Variants in TMEM61 observed in about 807,000 individuals in gnomAD.
The protein encoded by TMEM61 is transmembrane protein 61.
TMEM61 carries 13 observed loss-of-function variants against 12.0 expected under a neutral mutation model. That is an observed-to-expected ratio of 1.08 (90% CI 0.70 to 1.72). The LOEUF is 1.72. Ranked by LOEUF, TMEM61 falls within the 40% of genes most tolerant of loss-of-function variation. The pLI is 0.00. For missense variants in TMEM61, 249 were observed against 276.9 expected, an observed-to-expected ratio of 0.90 and a Z score of 0.71; for synonymous variants, 109 against 121.4, an observed-to-expected ratio of 0.90 and a Z score of 0.67.
intron 1 of TMEM61, among the ~76,000 whole-genome samples, chr1:54,981,872 A>T (rs1271744275): frequency 6.6e-6 from 1 of 152,226 alleles, no homozygotes; most frequent in African/African-American, 2.4e-5. Context: ...GGGCAGGGAC[A>T]GGTGCTGAGC....
intron 1 of TMEM61, among the ~76,000 whole-genome samples, chr1:54,983,627 A>G (rs190226165): frequency 6.6e-6 from 1 of 152,264 alleles, no homozygotes; most frequent in East Asian, 1.9e-4. Flanking sequence ...CCTCATTTGT[A>G]AAATGGGACT....
rs35817239 is a variant in TMEM61 at position 54,985,219 on chromosome 1, A to ATGTG, written c.16-854_16-851dup. ...TAATAAGGCCACGGTGAACGTGTGT[A>ATGTG]TGTGTGTGTGTGTGTGTGTGTGTGT... On this transcript the variant is annotated intron_variant, in intron 1 of 2. Transcript: ENST00000371268. 2.7e-3 allele frequency among the ~76,000 whole-genome samples: 405 copies of ATGTG among 150,718 alleles called. 2 individuals carry two copies. Among genetic ancestry groups the ATGTG allele is most frequent in the African/African-American group, 9.4e-3 (385 of 41,112 alleles).
chr1:54,983,109 GTTT>G (rs780127208), intron 1 of TMEM61, among the ~76,000 whole-genome samples: 5 of 109,522 alleles, frequency 4.6e-5, no homozygotes, highest in African/African-American at 1.3e-4. Flanking sequence ...GTTTTGCTTT[GTTT>G]TTTTTTTTTG....
In TMEM61 at chr1:54,991,972, A is replaced by T. The variant is rs1310576279; in HGVS notation, c.502A>T (p.Thr168Ser). Residue 168 changes from threonine (T) to serine (S), a missense_variant, in exon 3 of 3, where the codon ACC becomes TCC. Transcript: ENST00000371268. ...TGGATCGAGGGATGCCCTGCTCAGC[A>T]CCCAGCCCGCCTGGCCTCCACCCAG... ...PSGSRDALLSTQPAWPPPSYE... is the reference protein window; with the variant it reads ...PSGSRDALLSSQPAWPPPSYE... 6.2e-7 allele frequency: 1 copy of T among 1,613,968 alleles called. No individual in the cohort carries two copies. Among genetic ancestry groups the T allele is most frequent in the East Asian group, 2.2e-5 (1 of 44,876 alleles).
In TMEM61 at chr1:54,986,415, A is replaced by G; in HGVS notation, c.334A>G (p.Thr112Ala). ...CCTCTCCAGAGACCTGTACTACCTC[A>G]CTGTGGAGTCCTCAGAGAAGGAGAG... ...YHLSRDLYYL[T>A]VESSEKESCR... Residue 112 changes from threonine to alanine, a missense_variant, in exon 2 of 3, where the codon ACT becomes GCT. Transcript: ENST00000371268. 1 of 1,586,966 alleles carries G rather than the reference A, an allele frequency of 6.3e-7. No homozygotes were observed. The highest frequency in any genetic ancestry group is 1.7e-5 in the Admixed American group (1 of 58,268).
intron 2 of TMEM61, among the ~76,000 whole-genome samples, chr1:54,991,373 C>T (rs975525414): frequency 1.3e-5 from 2 of 152,204 alleles, no homozygotes; most frequent in African/African-American, 2.4e-5. Context: ...TCTAAAGCAT[C>T]CAGATGGGCA....
intron 2 of TMEM61, among the ~76,000 whole-genome samples, chr1:54,989,103 C>A (rs1439920351): frequency 6.6e-6 from 1 of 152,146 alleles, no homozygotes; most frequent in Non-Finnish European, 1.5e-5. Context: ...GCCCTCATGC[C>A]CACTAGATTT....
chr1:54,982,214 T>C (rs1045962092), intron 1 of TMEM61, among the ~76,000 whole-genome samples: 17 of 152,134 alleles, frequency 1.1e-4, no homozygotes, highest in Admixed American at 1.0e-3. Flanking sequence ...ATGCATCTGA[T>C]TCCCGGAAAA....
intron 1 of TMEM61, among the ~76,000 whole-genome samples, chr1:54,985,362 G>A (rs547570681): frequency 2.0e-5 from 3 of 152,190 alleles, no homozygotes; most frequent in Admixed American, 2.0e-4. Flanking sequence ...TCAGCCTCCC[G>A]AGTAGCTGGG....
chr1:54,983,046 A>G, intron 1 of TMEM61, among the ~76,000 whole-genome samples: 1 of 151,316 alleles, frequency 6.6e-6, no homozygotes, highest in Non-Finnish European at 1.5e-5. Context: ...AACAGGAAAC[A>G]GCCACCTGGG....
rs534841111 is a variant in TMEM61, at chr1:54,980,929, C to T, written c.-137C>T. The T allele has an allele frequency of 3.1e-4, 287 of 925,420 alleles. No individual in the cohort carries two copies. In the African/African-American group the frequency reaches 4.5e-3, roughly 14 times the overall value. 57.3% of individuals were successfully genotyped at this position (925,420 alleles called of 1,614,324 possible). On this transcript the variant is annotated 5_prime_UTR_variant, in exon 1 of 3. Coordinates refer to ENST00000371268, the MANE Select transcript of TMEM61 (RefSeq NM_182532.3). Reference sequence around the variant, plus strand: ...CGGGGGCAGCGGCCAGGCCCCTCCGCCCCTAACACCCGCGCCTCCTGCAGA... The same window carrying T: ...CGGGGGCAGCGGCCAGGCCCCTCCGTCCCTAACACCCGCGCCTCCTGCAGA...
chr1:54,984,101 C>T (rs1231902367), intron 1 of TMEM61, among the ~76,000 whole-genome samples: 3 of 152,166 alleles, frequency 2.0e-5, no homozygotes, highest in Non-Finnish European at 4.4e-5. Context: ...TGGTAACATG[C>T]CCTTTTGAAA....
At chr1:54,984,547 C>A (rs13375174) in intron 1 of TMEM61, among the ~76,000 whole-genome samples, 6,593 of 152,270 alleles carry the variant, frequency 0.043, 456 homozygotes, top group African/African-American at 0.15. Flanking sequence ...GATTTTCACC[C>A]GACCAGCATT....
intron 2 of TMEM61, among the ~76,000 whole-genome samples, chr1:54,987,831 G>A (rs1644270596): frequency 6.6e-6 from 1 of 152,212 alleles, no homozygotes; most frequent in African/African-American, 2.4e-5. Flanking sequence ...CCAGACTGCC[G>A]TGAGCTGCTG....
At chr1:54,982,041 G>A (rs1246831458) in intron 1 of TMEM61, among the ~76,000 whole-genome samples, 1 of 152,176 alleles carries the variant, frequency 6.6e-6, no homozygotes, top group East Asian at 1.9e-4. Context: ...GTGCATCCTC[G>A]GTCCAGCCTT....
At chr1:54,987,824 G>C (rs1644270541) in intron 2 of TMEM61, among the ~76,000 whole-genome samples, 1 of 152,238 alleles carries the variant, frequency 6.6e-6, no homozygotes, top group Non-Finnish European at 1.5e-5. Flanking sequence ...GGCTAAGCCA[G>C]ACTGCCGTGA....
intron 2 of TMEM61, among the ~76,000 whole-genome samples, chr1:54,987,639 G>C (rs1233631076): frequency 1.3e-5 from 2 of 152,088 alleles, no homozygotes; most frequent in African/African-American, 4.8e-5. Flanking sequence ...CTATGTACTA[G>C]GGGCCTGTGT....
At chr1:54,984,529 T>C (rs1287118907) in intron 1 of TMEM61, among the ~76,000 whole-genome samples, 1 of 152,188 alleles carries the variant, frequency 6.6e-6, no homozygotes, top group Non-Finnish European at 1.5e-5. Context: ...TTCACAACTG[T>C]GAGGGTGGAT....
rs781572304 is a variant in TMEM61 at position 54,991,891 on chromosome 1, G to A, written c.421G>A (p.Ala141Thr). 13 of 1,613,998 alleles carry A rather than the reference G, an allele frequency of 8.1e-6. No homozygotes were observed. Among genetic ancestry groups the A allele is most frequent in the Non-Finnish European group, 1.1e-5 (13 of 1,180,014 alleles). Residue 141 changes from alanine to threonine, a missense_variant, in exon 3 of 3, where the codon GCC (alanine) becomes ACC (threonine). Physicochemically the swap from Ala to Thr is moderately conservative, Grantham distance 58 (BLOSUM62 0). Coordinates refer to ENST00000371268, the MANE Select transcript of TMEM61 (RefSeq NM_182532.3). ...TYEEAVSFPV[A>T]EGPPTPPAYP... ...CGAGGAAGCCGTGAGCTTCCCAGTG[G>A]CCGAGGGGCCCCCAACACCACCTGC...
Sources: gnomAD v4.1 joint callset for allele counts (sites outside exome capture counted in the v4.1 genomes callset) on GRCh38, gnomAD v4.1.1 for gene constraint, MANE v1.5 for transcripts, NCBI Gene and HGNC (gene_info 2026-07-23, HGNC 2026-07-21) for gene names.